WWOX: variants seen among roughly 807,000 people sequenced by gnomAD.
WWOX encodes the protein WW domain-containing oxidoreductase.
Under a neutral mutation model 46.2 loss-of-function variants are expected in WWOX, and 69 were observed. That is an observed-to-expected ratio of 1.49 (90% confidence interval 1.23 to 1.82). WWOX has a LOEUF of 1.82. Among genes scored for constraint, WWOX ranks in the 40% most tolerant of loss-of-function variants. The pLI is 0.00. For synonymous variants in WWOX, 359 were observed against 202.6 expected, an observed-to-expected ratio of 1.77 and a Z score of -6.56; for missense variants, 919 against 542.6, an observed-to-expected ratio of 1.69 and a Z score of -6.89.
chr16:79,143,262 T>G (rs1044441784), intron 8 of WWOX, among the ~76,000 whole-genome samples: 2 of 152,246 alleles, frequency 1.3e-5, no homozygotes, highest in Admixed American at 1.3e-4. Flanking sequence ...TCTACACTCT[T>G]TTTTGGGAAG....
chr16:78,101,363 T>TTTTTTTTTTTTTTTA lies in WWOX; in HGVS notation c.107+1478_107+1479insTTTTTTTTTTTTTTA, dbSNP rs1555533361. 3.5e-5 allele frequency among the ~76,000 whole-genome samples: 5 copies of TTTTTTTTTTTTTTTA among 143,422 alleles called. 1 individual carries two copies. Among genetic ancestry groups the TTTTTTTTTTTTTTTA allele is most frequent in the Admixed American group, 7.1e-5 (1 of 14,148 alleles). 94.1% of individuals were successfully genotyped at this position (143,422 alleles called of 152,430 possible). A position where few individuals can be genotyped will look rare whatever the true frequency, so the allele number is the denominator to read the frequency against. On this transcript the variant is annotated intron_variant, in intron 1 of 8. Transcript: ENST00000566780. ...CTCCCGGCCTTTTTTTTTTTTTTTT[T>TTTTTTTTTTTTTTTA]AAAGACAGGGTCTCGCTCCGTCGCC...
rs116161876 is a variant in WWOX at position 78,702,963 on chromosome 16, C to G, written c.1056+270211C>G. On this transcript the variant is annotated intron_variant, in intron 8 of 8. Transcript: ENST00000566780. Reference sequence around the variant, plus strand: ...TCCTTTTCCAGAACTCCCACACTTGCTCTTGTAGATCATCATAGGATAACT... The same window carrying G: ...TCCTTTTCCAGAACTCCCACACTTGGTCTTGTAGATCATCATAGGATAACT... 1.1e-3 allele frequency among the ~76,000 whole-genome samples: 165 copies of G among 152,180 alleles called. 5 individuals carry two copies. The highest frequency in any genetic ancestry group is 4.1e-4 in the Non-Finnish European group (28 of 68,036).
chr16:78,444,619 C>T (rs1253305805), intron 8 of WWOX, among the ~76,000 whole-genome samples: 1 of 151,478 alleles, frequency 6.6e-6, no homozygotes, highest in African/African-American at 2.4e-5. Flanking sequence ...AAACCTCTGC[C>T]TCCCGGGTTC....
intron 5 of WWOX, among the ~76,000 whole-genome samples, chr16:78,269,969 A>G (rs2079442736): frequency 7.4e-6 from 1 of 135,196 alleles, no homozygotes; most frequent in Middle Eastern, 4.0e-3. Flanking sequence ...GTATGCATTT[A>G]ATTCACATTT....
chr16:79,175,170 C>T (rs544208131), intron 8 of WWOX, among the ~76,000 whole-genome samples: 42 of 152,162 alleles, frequency 2.8e-4, no homozygotes, highest in Non-Finnish European at 4.3e-4. Context: ...GCCTTAATGG[C>T]GCTAATTTTT....
chr16:78,365,230 C>T (rs1391939338), intron 5 of WWOX, among the ~76,000 whole-genome samples: 2 of 152,174 alleles, frequency 1.3e-5, no homozygotes, highest in African/African-American at 2.4e-5. Flanking sequence ...GGGTCTGTGT[C>T]ACCTTCTGAC....
chr16:78,144,575 A>G (rs1392650935), intron 4 of WWOX, among the ~76,000 whole-genome samples: 9 of 136,558 alleles, frequency 6.6e-5, no homozygotes, highest in Non-Finnish European at 1.2e-4. Flanking sequence ...AGGCTGGAGT[A>G]CAGTGGCGCG....
chr16:78,764,995 G>C (rs1015084753), intron 8 of WWOX, among the ~76,000 whole-genome samples: 2 of 152,184 alleles, frequency 1.3e-5, no homozygotes, highest in Admixed American at 6.5e-5. Flanking sequence ...AGATATGGTT[G>C]AGGGATGCAG....
At chr16:78,929,267 T>A (rs1269041124) in intron 8 of WWOX, among the ~76,000 whole-genome samples, 4 of 150,676 alleles carry the variant, frequency 2.7e-5, no homozygotes, top group Non-Finnish European at 5.9e-5. Context: ...TTTTTTTTTG[T>A]ATTTAAGTTT....
At chr16:78,201,889 C>A (rs1484734207) in intron 5 of WWOX, among the ~76,000 whole-genome samples, 1 of 151,722 alleles carries the variant, frequency 6.6e-6, no homozygotes, top group African/African-American at 2.4e-5. Context: ...TTAGTAGAGA[C>A]GGGATTTTGC....
intron 4 of WWOX, among the ~76,000 whole-genome samples, chr16:78,119,276 G>T (rs1257829645): frequency 6.6e-6 from 1 of 152,200 alleles, no homozygotes; most frequent in Admixed American, 6.5e-5. Flanking sequence ...TGCAAATGTT[G>T]GGAAGTGTTA....
In WWOX at chr16:78,520,122, T is replaced by C. The variant is rs79707396; in HGVS notation, c.1056+87370T>C. ...CTCCCATCCCGGCCACAGATAGTGA[T>C]GCAATAACATCCTTGTTCGCATGTC... On this transcript the variant is annotated intron_variant, in intron 8 of 8. Coordinates refer to ENST00000566780, the MANE Select transcript of WWOX (RefSeq NM_016373.4). Among the ~76,000 whole-genome samples the C allele has an allele frequency of 6.8e-3, 1,041 of 152,310 alleles. 11 individuals are homozygous for C. The highest frequency in any genetic ancestry group is 0.024 in the African/African-American group (992 of 41,564).
chr16:78,975,686 T>G (rs911155921), intron 8 of WWOX, among the ~76,000 whole-genome samples: 1 of 152,124 alleles, frequency 6.6e-6, no homozygotes, highest in Non-Finnish European at 1.5e-5. Context: ...GTCACCCCTG[T>G]TGGGAATACA....
chr16:78,398,525 G>A (rs1206097365), intron 6 of WWOX, among the ~76,000 whole-genome samples: 3 of 152,098 alleles, frequency 2.0e-5, no homozygotes, highest in Non-Finnish European at 2.9e-5. Context: ...GCTCTTACCC[G>A]GGCACCACAG....
intron 8 of WWOX, among the ~76,000 whole-genome samples, chr16:78,631,652 C>T (rs1308061670): frequency 2.0e-5 from 3 of 150,984 alleles, no homozygotes; most frequent in Admixed American, 6.7e-5. Flanking sequence ...GATATTCTTG[C>T]CTCAGCCCTC....
At chr16:78,765,065 G>A (rs898096500) in intron 8 of WWOX, among the ~76,000 whole-genome samples, 4 of 152,330 alleles carry the variant, frequency 2.6e-5, no homozygotes, top group African/African-American at 9.6e-5. Flanking sequence ...GGAAGTCTCA[G>A]CATCTCGAAA....
intron 4 of WWOX, among the ~76,000 whole-genome samples, chr16:78,122,920 C>T (rs765422281): frequency 3.3e-5 from 5 of 151,978 alleles, no homozygotes; most frequent in Non-Finnish European, 7.4e-5. Flanking sequence ...GTACATATTT[C>T]CTTTAATCTA....
intron 8 of WWOX, among the ~76,000 whole-genome samples, chr16:78,600,114 C>A (rs1460858902): frequency 2.0e-5 from 3 of 151,988 alleles, no homozygotes; most frequent in African/African-American, 7.3e-5. Flanking sequence ...GGAAACTCCC[C>A]CTTATAAAAC....
intron 8 of WWOX, among the ~76,000 whole-genome samples, chr16:78,650,147 G>C (rs2046933989): frequency 6.6e-6 from 1 of 152,150 alleles, no homozygotes; most frequent in Non-Finnish European, 1.5e-5. Context: ...AATGAACGCA[G>C]ATTAAGGAAA....
Sources: gnomAD v4.1 joint callset for allele counts (sites outside exome capture counted in the v4.1 genomes callset) on GRCh38, gnomAD v4.1.1 for gene constraint, MANE v1.5 for transcripts, NCBI Gene and HGNC (gene_info 2026-07-23, HGNC 2026-07-21) for gene names.